Variants in PSME4 observed in about 807,000 individuals in gnomAD.
The protein encoded by PSME4 is proteasome activator complex subunit 4.
In PSME4, 89 loss-of-function variants were observed where a neutral mutation model predicts 253.9. The observed-to-expected ratio is 0.35, with a 90% CI of 0.30 to 0.42. PSME4 has a LOEUF of 0.42. Among genes scored for constraint, PSME4 ranks in the 10% least tolerant of loss-of-function variants. The pLI, the probability that PSME4 is intolerant of heterozygous loss-of-function variation, is 1.00. For missense variants in PSME4, 2,014 were observed against 2,195.2 expected (o/e 0.92, Z 1.65); for synonymous variants, 851 against 759.2 (o/e 1.12, Z -1.99).
intron 34 of PSME4, 129 bp from the exon 35 acceptor site, chr2:53,893,928 G>A: frequency 7.4e-7 from 1 of 1,351,704 alleles, no homozygotes. Context: ...TGAATTCTTA[G>A]TTCTCATAGA....
At chr2:53,965,127 T>C (rs546528290) in intron 1 of PSME4, among the ~76,000 whole-genome samples, 24 of 152,206 alleles carry the variant, frequency 1.6e-4, no homozygotes, top group African/African-American at 5.1e-4. Context: ...ACACGAATCA[T>C]GGATGGGATA....
In PSME4 at chr2:53,920,236, C is replaced by T. The variant is rs141100003; in HGVS notation, c.2377G>A (p.Val793Ile). 7.3e-5 allele frequency: 118 copies of T among 1,613,022 alleles called. No homozygotes were observed. The highest frequency in any genetic ancestry group is 3.3e-4 in the African/African-American group (25 of 74,874). ...LLDSFLQPEL[V>I]KLQHCGDGKL... is the part of the protein sequence containing the mutation. Reference sequence around the variant, plus strand: ...CCATCCCCACAATGCTGGAGTTTGACGAGCTCAGGCTGAAGAAAGGAGTCC... The same window carrying T: ...CCATCCCCACAATGCTGGAGTTTGATGAGCTCAGGCTGAAGAAAGGAGTCC... The change falls in exon 19 of 47, where the codon GTC becomes ATC. Residue 793 changes from valine to isoleucine, a missense_variant. Around this residue, in one of 4 missense-constraint regions of PSME4, gnomAD observed 989 missense variants for 1,021.1 expected, o/e 0.97. Transcript: ENST00000404125.
At chr2:53,873,660 G>A (rs1039922431) in intron 43 of PSME4, among the ~76,000 whole-genome samples, 3 of 152,058 alleles carry the variant, frequency 2.0e-5, no homozygotes, top group African/African-American at 7.2e-5. Context: ...AACAAAAAAA[G>A]GACAGCAAAC....
At chr2:53,952,884 G>A (rs1010260734) in intron 1 of PSME4, among the ~76,000 whole-genome samples, 1 of 152,216 alleles carries the variant, frequency 6.6e-6, no homozygotes, top group Non-Finnish European at 1.5e-5. Context: ...TCCCTGAGCT[G>A]GGGGTTGGGG....
intron 2 of PSME4, 35 bp downstream of exon 2, chr2:53,949,108 C>CA: frequency 6.5e-7 from 1 of 1,527,626 alleles, no homozygotes; most frequent in Non-Finnish European, 8.8e-7. Flanking sequence ...AAGAAACAAA[C>CA]AAACCTTAAC....
chr2:53,914,087 C>T (rs1269242886), intron 20 of PSME4, among the ~76,000 whole-genome samples: 1 of 152,082 alleles, frequency 6.6e-6, no homozygotes, highest in African/African-American at 2.4e-5. Context: ...GATGATTTAA[C>T]TAAAAATGAC....
At chr2:53,873,307 C>T (rs777063934) in intron 43 of PSME4, among the ~76,000 whole-genome samples, 1 of 150,692 alleles carries the variant, frequency 6.6e-6, no homozygotes, top group Non-Finnish European at 1.5e-5. Flanking sequence ...AGAAAATATC[C>T]ACTCTCAGAA....
intron 27 of PSME4, among the ~76,000 whole-genome samples, chr2:53,903,317 G>A (rs1438056591): frequency 1.3e-5 from 2 of 152,076 alleles, no homozygotes; most frequent in Non-Finnish European, 2.9e-5. Context: ...CCAGCAACTA[G>A]TTGTACGATC....
chr2:53,895,437 T>A (rs760903341), intron 33 of PSME4, 146 bp downstream of exon 33: 290 of 823,058 alleles, frequency 3.5e-4, no homozygotes, highest in Non-Finnish European at 4.5e-4. Flanking sequence ...AGGCATAGCA[T>A]TGGCAGGAGC....
intron 27 of PSME4, 41 bp from the exon 28 acceptor site, chr2:53,901,600 A>G (rs572853135): frequency 6.6e-7 from 1 of 1,516,508 alleles, no homozygotes; most frequent in East Asian, 2.3e-5. Context: ...ATGGGAAATA[A>G]GAGGCATCAT....
chr2:53,955,061 C>T (rs1670170880), intron 1 of PSME4, among the ~76,000 whole-genome samples: 1 of 151,918 alleles, frequency 6.6e-6, no homozygotes, highest in Non-Finnish European at 1.5e-5. Context: ...GTCCCAGCTA[C>T]TTGGGAGGCT....
At chr2:53,918,309 A>G (rs560316375) in intron 20 of PSME4, among the ~76,000 whole-genome samples, 7 of 152,286 alleles carry the variant, frequency 4.6e-5, no homozygotes, top group Admixed American at 3.9e-4. Flanking sequence ...TATCTGTTTA[A>G]TAATTAAGCT....
intron 1 of PSME4, among the ~76,000 whole-genome samples, chr2:53,954,187 G>A (rs759967867): frequency 1.3e-5 from 2 of 152,164 alleles, no homozygotes; most frequent in Non-Finnish European, 2.9e-5. Flanking sequence ...AATTAGCCGG[G>A]TGTGGCGGCA....
intron 1 of PSME4, among the ~76,000 whole-genome samples, chr2:53,969,464 C>G (rs1207021511): frequency 6.6e-6 from 1 of 152,154 alleles, no homozygotes; most frequent in African/African-American, 2.4e-5. Context: ...AGTCATCACT[C>G]AGTTCAATCA....
At chr2:53,897,173 T>TTTG (rs1553408786) in intron 31 of PSME4, among the ~76,000 whole-genome samples, 1 of 150,816 alleles carries the variant, frequency 6.6e-6, no homozygotes, top group East Asian at 1.9e-4. Context: ...CAGGGTTTTT[T>TTTG]TTTTTTTTTT....
chr2:53,906,331 C>CA (rs1020419322), intron 26 of PSME4, among the ~76,000 whole-genome samples: 3 of 152,018 alleles, frequency 2.0e-5, no homozygotes, highest in Non-Finnish European at 2.9e-5. Context: ...TTAAGCATTA[C>CA]AAAAAAATGA....
intron 27 of PSME4, among the ~76,000 whole-genome samples, chr2:53,903,318 T>C (rs928969133): frequency 2.6e-5 from 4 of 152,200 alleles, no homozygotes; most frequent in Admixed American, 1.3e-4. Flanking sequence ...CAGCAACTAG[T>C]TGTACGATCC....
At chr2:53,872,366 G>C (rs1678917389) in intron 43 of PSME4, among the ~76,000 whole-genome samples, 1 of 152,060 alleles carries the variant, frequency 6.6e-6, no homozygotes, top group South Asian at 2.1e-4. Flanking sequence ...TCAACGAACA[G>C]AATTTAGCGA....
intron 28 of PSME4, 82 bp from the exon 29 acceptor site, chr2:53,900,099 G>A (rs1680326697): frequency 4.7e-6 from 6 of 1,279,372 alleles, no homozygotes; most frequent in South Asian, 1.4e-5. Flanking sequence ...GTCATGCTAA[G>A]TGAAAGAGGC....
Sources: gnomAD v4.1 joint callset for allele counts (sites outside exome capture counted in the v4.1 genomes callset) on GRCh38, gnomAD v4.1.1 for gene constraint, gnomAD v4.1.1 regional missense constraint, MANE v1.5 for transcripts, NCBI Gene and HGNC (gene_info 2026-07-23, HGNC 2026-07-21) for gene names.